The following SYCP1 variants were observed in gnomAD, a reference collection of about 807,000 sequenced individuals.
SYCP1 encodes synaptonemal complex protein 1.
In SYCP1, 64 loss-of-function variants were observed where a neutral mutation model predicts 153.1. That is an observed-to-expected ratio of 0.42 (90% CI 0.34 to 0.51). The LOEUF is 0.51. Among genes scored for constraint, SYCP1 ranks in the 20% least tolerant of loss-of-function variants. The probability of loss-of-function intolerance (pLI) is 0.06; values close to 1 mark genes in which losing one functional copy is unlikely to be tolerated. For synonymous variants in SYCP1, 384 were observed against 341.8 expected, an observed-to-expected ratio of 1.12 and a Z score of -1.36; for missense variants, 997 against 1,049.0, an observed-to-expected ratio of 0.95 and a Z score of 0.68.
At chr1:114,875,524 T>G (rs360633) in intron 9 of SYCP1, among the ~76,000 whole-genome samples, 89,580 of 151,902 alleles carry the variant, frequency 0.59, 26,777 homozygotes, top group African/African-American at 0.66. Context: ...CTCCCAAAGT[T>G]CTGGGATTAG....
At chr1:114,945,241 CT>C (rs1252751502) in intron 25 of SYCP1, among the ~76,000 whole-genome samples, 1 of 151,904 alleles carries the variant, frequency 6.6e-6, no homozygotes, top group Non-Finnish European at 1.5e-5. Flanking sequence ...CACTCTTTTT[CT>C]GGATTCTGCT....
At chr1:114,920,560 G>A (rs360584) in intron 20 of SYCP1, among the ~76,000 whole-genome samples, 75,261 of 151,870 alleles carry the variant, frequency 0.5, 19,955 homozygotes, top group Middle Eastern at 0.62. Context: ...GATTTGTCCA[G>A]TGCTGAAAGT....
chr1:114,946,104 A>G (rs1670687250), intron 25 of SYCP1, among the ~76,000 whole-genome samples, 185 bp from the exon 26 acceptor site: 1 of 152,108 alleles, frequency 6.6e-6, no homozygotes, highest in African/African-American at 2.4e-5. Context: ...GAATGAAAAA[A>G]TATAATTGAA....
chr1:114,879,698 A>T (rs951576142), intron 12 of SYCP1, among the ~76,000 whole-genome samples: 11 of 152,204 alleles, frequency 7.2e-5, no homozygotes, highest in Admixed American at 4.6e-4. Context: ...ATTAATAAAT[A>T]ACTGTAATTC....
At chr1:114,965,630 AT>A (rs1415637138) in intron 27 of SYCP1, among the ~76,000 whole-genome samples, 1 of 152,082 alleles carries the variant, frequency 6.6e-6, no homozygotes, top group Non-Finnish European at 1.5e-5. Flanking sequence ...TGGCTTTTAC[AT>A]GGTTCTGTTT....
intron 27 of SYCP1, among the ~76,000 whole-genome samples, chr1:114,966,309 G>A (rs968737121): frequency 2.0e-5 from 3 of 151,762 alleles, no homozygotes; most frequent in African/African-American, 7.3e-5. Context: ...TAGATTCGTT[G>A]ATTTTTTTGA....
Position 114,857,234 on chromosome 1 carries a change from C to A in SYCP1, c.196C>A (p.Pro66Thr), listed in dbSNP as rs140957639. The change falls in exon 4 of 32, where the codon CCT (proline) becomes ACT (threonine). Residue 66 changes from proline to threonine, a missense_variant and splice_region_variant. By Grantham distance (38) the Pro-to-Thr change is conservative (BLOSUM62 -1). Transcript: ENST00000369522. ...SKNGENIDSDPALQKVNFLPV... is the reference protein window; with the variant it reads ...SKNGENIDSDTALQKVNFLPV... ...ACCTGTTGTCTTTTATCTTGCAGAT[C>A]CTGCTTTACAAAAAGTTAATTTCTT... 14 of 1,596,346 alleles carry A rather than the reference C, an allele frequency of 8.8e-6. No individual in the cohort carries two copies. Among genetic ancestry groups the A allele is most frequent in the African/African-American group, 4.0e-5 (3 of 74,170 alleles).
At chr1:114,987,783 G>A (rs566387593) in intron 30 of SYCP1, among the ~76,000 whole-genome samples, 1 of 151,918 alleles carries the variant, frequency 6.6e-6, no homozygotes, top group South Asian at 2.1e-4. Context: ...CCTTGAGGAA[G>A]CTCAGACATT....
intron 15 of SYCP1, among the ~76,000 whole-genome samples, chr1:114,888,857 C>A (rs185609641): frequency 1.4e-4 from 21 of 151,836 alleles, no homozygotes; most frequent in Non-Finnish European, 2.9e-4. Context: ...CTCCCCCAGC[C>A]CCCCACCCCG....
At chr1:114,927,120 T>C (rs1351192199) in intron 23 of SYCP1, among the ~76,000 whole-genome samples, 1 of 152,054 alleles carries the variant, frequency 6.6e-6, no homozygotes, top group African/African-American at 2.4e-5. Context: ...GTATTAATTA[T>C]GTGCTTTTTG....
intron 26 of SYCP1, 101 bp from the exon 27 acceptor site, chr1:114,947,145 T>C (rs1211104290): frequency 9.2e-6 from 8 of 867,238 alleles, no homozygotes; most frequent in Non-Finnish European, 1.5e-5. Context: ...GTGAATTTAT[T>C]TCTCTACAAT....
rs749176245 is a variant in SYCP1 at position 114,855,569 on chromosome 1, C to T, written c.105C>T (p.Phe35=). 1.4e-5 allele frequency: 23 copies of T among 1,605,726 alleles called. No individual in the cohort carries two copies. Among genetic ancestry groups the T allele is most frequent in the Non-Finnish European group, 1.9e-5 (22 of 1,175,248 alleles). ...PQTLGGDSTF[F]KSFNKCTEDD... The stretch of plus-strand genomic sequence containing the variant: ...CCCTGGGAGGCGATTCCACTTTCTT[C>T]AAGGTAAATTTCCATGTGACTCTTA... The change falls in exon 2 of 32, where the codon TTC becomes TTT. Residue 35 remains phenylalanine (F), a synonymous_variant. Transcript: ENST00000369522.
At chr1:114,977,676 G>T in intron 28 of SYCP1, 60 bp downstream of exon 28, 2 of 1,091,506 alleles carry the variant, frequency 1.8e-6, no homozygotes, top group Non-Finnish European at 2.6e-6. Flanking sequence ...CTTCTACTTA[G>T]AAATGATTTT....
intron 27 of SYCP1, among the ~76,000 whole-genome samples, chr1:114,955,327 T>A (rs1671367915): frequency 6.6e-6 from 1 of 152,084 alleles, no homozygotes; most frequent in African/African-American, 2.4e-5. Context: ...ATCTGCTAAT[T>A]TTTTGTTGAG....
chr1:114,990,401 T>C (rs981593107), intron 30 of SYCP1, among the ~76,000 whole-genome samples: 1 of 151,662 alleles, frequency 6.6e-6, no homozygotes, highest in African/African-American at 2.4e-5. Flanking sequence ...CTCAAATCAA[T>C]AACCTAACTT....
chr1:114,910,350 C>G (rs769209513), intron 16 of SYCP1, 47 bp from the exon 17 acceptor site: 3 of 1,321,206 alleles, frequency 2.3e-6, no homozygotes, highest in Non-Finnish European at 3.2e-6. Context: ...ATTACTTTCA[C>G]TATGTGTATG....
intron 27 of SYCP1, among the ~76,000 whole-genome samples, chr1:114,962,111 T>C (rs964329295): frequency 7.9e-5 from 12 of 151,036 alleles, no homozygotes; most frequent in Admixed American, 2.0e-4. Context: ...CTGAGTAGAG[T>C]AGCTGAGATT....
rs573949290 is a variant in SYCP1, at chr1:114,938,423, A to G, written c.1927-5916A>G. On this transcript the variant is annotated intron_variant, in intron 23 of 31. Coordinates refer to ENST00000369522, the MANE Select transcript of SYCP1 (RefSeq NM_003176.4). The stretch of plus-strand genomic sequence containing the variant: ...TGGGATGGGGGGAGGGGGGAGGGAT[A>G]GCATTAGGAGATATACCTAATGTAA... Among the ~76,000 whole-genome samples, 152 of 151,864 alleles carry G rather than the reference A, an allele frequency of 1.0e-3. 2 individuals are homozygous for G. Among genetic ancestry groups the G allele is most frequent in the African/African-American group, 3.5e-3 (146 of 41,376 alleles).
At chr1:114,946,896 C>T (rs375908245) in intron 26 of SYCP1, among the ~76,000 whole-genome samples, 11 of 152,060 alleles carry the variant, frequency 7.2e-5, no homozygotes, top group African/African-American at 2.2e-4. Context: ...TGCATCACCA[C>T]ACCCGGCTAA....
Sources: allele counts gnomAD v4.1 joint callset (sites outside exome capture counted in the v4.1 genomes callset), GRCh38; gene constraint gnomAD v4.1.1; transcripts MANE v1.5; gene names NCBI Gene and HGNC (gene_info 2026-07-23, HGNC 2026-07-21).